Variants in TBCD observed in about 807,000 individuals in gnomAD.
TBCD encodes the protein tubulin folding cofactor D.
Under a neutral mutation model 169.3 loss-of-function variants are expected in TBCD, and 105 were observed. The observed-to-expected ratio is 0.62, with a 90% CI of 0.53 to 0.73. The LOEUF (loss-of-function observed/expected upper bound fraction) is 0.73, where lower values mean the gene tolerates loss of function less well. Ranked by LOEUF, TBCD falls within the 30% of genes least tolerant of loss-of-function variation. The pLI, the probability that TBCD is intolerant of heterozygous loss-of-function variation, is 0.00. For synonymous variants in TBCD, 700 were observed against 643.9 expected (o/e 1.09, Z -1.32); for missense variants, 1,444 against 1,600.1 (o/e 0.90, Z 1.66).
intron 17 of TBCD, among the ~76,000 whole-genome samples, chr17:82,896,527 G>A (rs1004069644): frequency 2.7e-4 from 39 of 145,664 alleles, no homozygotes; most frequent in Admixed American, 2.2e-3. Context: ...GTGTGGTGGC[G>A]CAATCGCGGC....
Position 82,864,655 on chromosome 17 carries a change from C to A in TBCD, c.1319-5569C>A, listed in dbSNP as rs111332797. ...CAGGTGGGGAGAGTTGCTGGGCCAG[C>A]GTGGCTGGGTGACTTTCCTGTGGAA... On this transcript the variant is annotated intron_variant, in intron 13 of 38. Coordinates refer to ENST00000355528, the MANE Select transcript of TBCD (RefSeq NM_005993.5). This position sits in a 1 kb window ranked among gnomAD's most constrained non-coding sequence, Gnocchi z 6.3. Among the ~76,000 whole-genome samples the A allele has an allele frequency of 6.6e-6, 1 of 152,054 alleles. No homozygotes were observed. Among genetic ancestry groups the A allele is most frequent in the South Asian group, 2.1e-4 (1 of 4,820 alleles).
At chr17:82,897,346 C>T (rs909093047) in intron 17 of TBCD, among the ~76,000 whole-genome samples, 8 of 151,848 alleles carry the variant, frequency 5.3e-5, no homozygotes, top group South Asian at 2.1e-4. Context: ...GGTGAAACCC[C>T]GTCTCTACCA....
intron 2 of TBCD, among the ~76,000 whole-genome samples, chr17:82,761,280 T>C (rs768091008): frequency 6.6e-6 from 1 of 152,078 alleles, no homozygotes; most frequent in Non-Finnish European, 1.5e-5. Flanking sequence ...TTCTTCTGGG[T>C]TTTCTTAGCA....
At chr17:82,763,676 G>A (rs1366694759) in intron 2 of TBCD, among the ~76,000 whole-genome samples, 5 of 152,140 alleles carry the variant, frequency 3.3e-5, no homozygotes, top group African/African-American at 1.2e-4. Context: ...GGGAGGTGGA[G>A]GTTGCAGTGA....
At chr17:82,790,785 T>A (rs1014080433) in intron 7 of TBCD, among the ~76,000 whole-genome samples, 2 of 152,142 alleles carry the variant, frequency 1.3e-5, no homozygotes, top group African/African-American at 4.8e-5. Flanking sequence ...GATAACCACA[T>A]CCACTGGCCT....
chr17:82,779,792 G>C (rs2048826992), intron 6 of TBCD, among the ~76,000 whole-genome samples: 1 of 151,960 alleles, frequency 6.6e-6, no homozygotes, highest in Admixed American at 6.6e-5. Flanking sequence ...GGGAGGTTGG[G>C]CGTCATAGCC....
intron 24 of TBCD, 61 bp from the exon 25 acceptor site, chr17:82,921,440 G>T (rs781162348): frequency 2.5e-5 from 35 of 1,384,564 alleles, no homozygotes; most frequent in Non-Finnish European, 3.6e-5. Flanking sequence ...TGTTTTTGCT[G>T]TTGTTTTTGA....
rs552774042 is a variant in TBCD at position 82,778,380 on chromosome 17, G to A, written c.639-3209G>A. ...CCACCTTAATGCTGCTTCCTTCTGC[G>A]ATGAAGTTAACTGCCCTGGGCCCCT... is the stretch of plus-strand genomic sequence containing the variant. On this transcript the variant is annotated intron_variant, in intron 6 of 38. Coordinates refer to ENST00000355528, the MANE Select transcript of TBCD (RefSeq NM_005993.5). Among the ~76,000 whole-genome samples the A allele has an allele frequency of 2.0e-5, 3 of 152,272 alleles. No homozygotes were observed. In the South Asian group the frequency reaches 6.2e-4, roughly 32 times the overall value.
At chr17:82,820,228 T>C (rs1302045801) in intron 13 of TBCD, among the ~76,000 whole-genome samples, 1 of 152,238 alleles carries the variant, frequency 6.6e-6, no homozygotes, top group African/African-American at 2.4e-5. Flanking sequence ...TCTGCCTGCC[T>C]TGGCTTCCCA....
chr17:82,900,711 G>A lies in TBCD; in HGVS notation c.1710G>A (p.Met570Ile). The A allele has an allele frequency of 6.2e-7, 1 of 1,614,012 alleles. No individual in the cohort carries two copies. The highest frequency in any genetic ancestry group is 8.5e-7 in the Non-Finnish European group (1 of 1,179,880). Residue 570 changes from methionine (M) to isoleucine (I), a missense_variant, in exon 18 of 39, where the codon ATG becomes ATA. Physicochemically the swap from Met to Ile is conservative, Grantham distance 10. Transcript: ENST00000355528. The part of the protein sequence containing the change: ...TQPMIDHLVT[M>I]KISHWDGVIR... The stretch of plus-strand genomic sequence containing the variant: ...CAATGATAGACCACCTGGTTACCAT[G>A]AAGATCAGCCACTGGGATGGGTAGG...
chr17:82,862,775 C>G (rs922566089), intron 13 of TBCD, among the ~76,000 whole-genome samples: 2 of 152,228 alleles, frequency 1.3e-5, no homozygotes, highest in African/African-American at 4.8e-5. Flanking sequence ...CCGGCCCCGG[C>G]TCAGCTGTGG....
At chr17:82,926,798 CGTT>C in intron 28 of TBCD, 1 of 521,366 alleles carries the variant, frequency 1.9e-6, no homozygotes, top group Non-Finnish European at 3.4e-6. Flanking sequence ...TCTCTGCACT[CGTT>C]GACAGACACG....
Position 82,789,460 on chromosome 17 carries a change from A to T in TBCD, c.771+7739A>T, listed in dbSNP as rs1056115328. On this transcript the variant is annotated intron_variant, in intron 7 of 38. Coordinates refer to ENST00000355528, the MANE Select transcript of TBCD (RefSeq NM_005993.5). This position sits in a 1 kb window ranked among gnomAD's most constrained non-coding sequence, Gnocchi z 4.8. Reference sequence around the variant, plus strand: ...GCGGGTCACCAGCCTCACCCCGCTCAGTTCTTAGATGAGGAAGAGACAGGC... The same window carrying T: ...GCGGGTCACCAGCCTCACCCCGCTCTGTTCTTAGATGAGGAAGAGACAGGC... 1.3e-5 allele frequency among the ~76,000 whole-genome samples: 2 copies of T among 152,154 alleles called. No individual in the cohort carries two copies. Among genetic ancestry groups the T allele is most frequent in the African/African-American group, 2.4e-5 (1 of 41,426 alleles).
intron 1 of TBCD, 91 bp from the exon 2 acceptor site, chr17:82,756,074 G>T: frequency 8.5e-7 from 1 of 1,177,540 alleles, no homozygotes; most frequent in South Asian, 1.3e-5. Flanking sequence ...GAGCTGCCCT[G>T]TGGAAGCTAG....
intron 13 of TBCD, among the ~76,000 whole-genome samples, chr17:82,838,335 T>TA (rs11370957): frequency 0.44 from 65,361 of 149,820 alleles, 14,199 homozygotes; most frequent in East Asian, 0.54. Context: ...AAAGAGTTCT[T>TA]AAAAAAAAAA....
intron 8 of TBCD, among the ~76,000 whole-genome samples, chr17:82,800,007 G>A (rs1203459053): frequency 6.6e-6 from 1 of 152,166 alleles, no homozygotes; most frequent in Non-Finnish European, 1.5e-5. Flanking sequence ...GGGCACTGCA[G>A]CTCCAGCCCC....
At position 82,763,889 on chromosome 17, in the gene TBCD, G is replaced by A; in HGVS notation, c.236-76G>A. 6 of 1,246,480 alleles carry A rather than the reference G, an allele frequency of 4.8e-6. No homozygotes were observed. In the South Asian group the frequency reaches 5.1e-5, roughly 11 times the overall value. The allele number at this position is 1,246,480 out of a possible 1,614,324, so 77.2% of individuals were successfully genotyped here. A position where few individuals can be genotyped will look rare whatever the true frequency, so the allele number is the denominator to read the frequency against. On this transcript the variant is annotated intron_variant, in intron 2 of 38. Transcript: ENST00000355528. ...CAAAGTGCTGGGAAAACAGGCATGAGCCACCACACCTGGCCGGCCTCAATG... is the reference window on the plus strand; with the variant it reads ...CAAAGTGCTGGGAAAACAGGCATGAACCACCACACCTGGCCGGCCTCAATG...
rs536386356 is a variant in TBCD at position 82,873,046 on chromosome 17, C to T, written c.1475+2666C>T. Among the ~76,000 whole-genome samples, 7 of 152,342 alleles carry T rather than the reference C, an allele frequency of 4.6e-5. No homozygotes were observed. In the South Asian group the frequency reaches 6.2e-4, roughly 14 times the overall value. On this transcript the variant is annotated intron_variant, in intron 14 of 38. Transcript: ENST00000355528. ...GGGCAGCAGCTCCCAGGCCCTGGCC[C>T]GGGGCTCAGCGCTGCCTCGTGGCTG...
chr17:82,807,613 C>T lies in TBCD; in HGVS notation c.1093C>T (p.Leu365=). 6.5e-7 allele frequency: 1 copy of T among 1,542,236 alleles called. No homozygotes were observed. The highest frequency in any genetic ancestry group is 2.4e-5 in the East Asian group (1 of 41,018). Residue 365 remains leucine, a synonymous_variant, in exon 11 of 39, where the codon CTG becomes TTG. Coordinates refer to ENST00000355528, the MANE Select transcript of TBCD (RefSeq NM_005993.5). The part of the protein sequence containing the change: ...PEGVERVIEQ[L]LVGLKDKDTV... The stretch of plus-strand genomic sequence containing the variant: ...TCACCTTCCTCTTCCTACAGAGCAG[C>T]TGCTGGTCGGGCTGAAGGACAAGGA...
Sources: allele counts gnomAD v4.1 joint callset (sites outside exome capture counted in the v4.1 genomes callset), GRCh38; gene constraint gnomAD v4.1.1; non-coding constraint Gnocchi (gnomAD v3.1); transcripts MANE v1.5; gene names NCBI Gene and HGNC (gene_info 2026-07-23, HGNC 2026-07-21).